EPRS1: variants seen among roughly 807,000 people sequenced by gnomAD.
EPRS1 encodes bifunctional glutamate/proline--tRNA ligase.
Under a neutral mutation model 188.3 loss-of-function variants are expected in EPRS1, and 107 were observed. The observed-to-expected ratio is 0.57, with a 90% CI of 0.49 to 0.67. The LOEUF (loss-of-function observed/expected upper bound fraction) is 0.67. Ranked by LOEUF, EPRS1 falls within the 30% of genes least tolerant of loss-of-function variation. The pLI is 0.00. For synonymous variants in EPRS1, 596 were observed against 593.1 expected, an observed-to-expected ratio of 1.00 and a Z score of -0.07; for missense variants, 1,577 against 1,802.2, an observed-to-expected ratio of 0.88 and a Z score of 2.26.
chr1:220,015,434 G>C (rs1036092720), intron 12 of EPRS1, among the ~76,000 whole-genome samples: 3 of 152,064 alleles, frequency 2.0e-5, no homozygotes, highest in African/African-American at 7.3e-5. Flanking sequence ...CTGCATTCCA[G>C]CCTGGGCGAC....
chr1:220,008,371 C>T (rs1394726960), intron 13 of EPRS1, among the ~76,000 whole-genome samples: 1 of 150,904 alleles, frequency 6.6e-6, no homozygotes, highest in Non-Finnish European at 1.5e-5. Context: ...ATAAAAAGAA[C>T]GCCATAATTT....
intron 2 of EPRS1, among the ~76,000 whole-genome samples, chr1:220,038,054 G>GC (rs1370520201): frequency 1.3e-5 from 2 of 151,270 alleles, no homozygotes; most frequent in Non-Finnish European, 2.9e-5. Context: ...GTATGTAGTG[G>GC]CAACAGGGGA....
chr1:219,994,934 G>A (rs986850619), intron 18 of EPRS1, among the ~76,000 whole-genome samples: 6 of 152,138 alleles, frequency 3.9e-5, no homozygotes, highest in Non-Finnish European at 7.4e-5. Context: ...TTACAGGCAT[G>A]AGCCACCGCA....
chr1:219,991,468 G>C (rs1266959332), intron 18 of EPRS1, among the ~76,000 whole-genome samples: 1 of 152,168 alleles, frequency 6.6e-6, no homozygotes, highest in Non-Finnish European at 1.5e-5. Flanking sequence ...ACTTGGTTGG[G>C]AGGGGGATGA....
chr1:220,009,248 T>C (rs1661554619), intron 13 of EPRS1, among the ~76,000 whole-genome samples: 1 of 152,146 alleles, frequency 6.6e-6, no homozygotes, highest in Admixed American at 6.5e-5. Flanking sequence ...ATGACATACA[T>C]GGGAAGACAA....
intron 12 of EPRS1, among the ~76,000 whole-genome samples, chr1:220,015,720 C>A (rs1661689180): frequency 6.6e-6 from 1 of 151,898 alleles, no homozygotes; most frequent in Non-Finnish European, 1.5e-5. Context: ...TTCATCCCAT[C>A]CTCCCCTTGT....
chr1:219,987,067 A>C (rs1309547740), intron 20 of EPRS1, 75 bp downstream of exon 20: 9 of 1,486,730 alleles, frequency 6.1e-6, no homozygotes, highest in African/African-American at 1.4e-5. Flanking sequence ...AACCAGTCAA[A>C]ATTTGTTTTA....
At chr1:219,996,074 G>C (rs1661226115) in intron 18 of EPRS1, among the ~76,000 whole-genome samples, 1 of 152,148 alleles carries the variant, frequency 6.6e-6, no homozygotes, top group Non-Finnish European at 1.5e-5. Flanking sequence ...CTATGCTGCT[G>C]TTTGAGGAGA....
At chr1:220,002,366 C>T (rs1661373501) in intron 16 of EPRS1, among the ~76,000 whole-genome samples, 1 of 151,688 alleles carries the variant, frequency 6.6e-6, no homozygotes, top group Non-Finnish European at 1.5e-5. Context: ...AATTGACAGT[C>T]CTTATTACAA....
intron 12 of EPRS1, among the ~76,000 whole-genome samples, chr1:220,017,079 G>A (rs1400013819): frequency 6.6e-6 from 1 of 152,044 alleles, no homozygotes; most frequent in Non-Finnish European, 1.5e-5. Context: ...CAGGCATGGT[G>A]GCACATGCCT....
intron 23 of EPRS1, chr1:219,982,485 A>T (rs1304371012): frequency 4.1e-6 from 1 of 244,104 alleles, no homozygotes; most frequent in East Asian, 8.4e-5. Context: ...CAACAATAAA[A>T]ATTATTCTAA....
intron 6 of EPRS1, among the ~76,000 whole-genome samples, chr1:220,027,774 C>T (rs969981571): frequency 1.6e-4 from 24 of 151,758 alleles, no homozygotes; most frequent in African/African-American, 4.1e-4. Flanking sequence ...CCTGAGGTCG[C>T]GAGTTCAAGA....
chr1:220,031,008 C>T (rs2102595444), intron 5 of EPRS1, among the ~76,000 whole-genome samples: 1 of 151,806 alleles, frequency 6.6e-6, no homozygotes, highest in East Asian at 1.9e-4. Context: ...AGGAGAATCG[C>T]TTGAACCTGG....
intron 1 of EPRS1, among the ~76,000 whole-genome samples, chr1:220,042,177 T>TC (rs1468659608): frequency 0.017 from 1,427 of 82,024 alleles, 26 homozygotes; most frequent in African/African-American, 0.065. Flanking sequence ...CAAGACTCCG[T>TC]CCCCAAAAAA....
intron 27 of EPRS1, 94 bp downstream of exon 27, chr1:219,979,324 G>T: frequency 1.1e-6 from 1 of 923,298 alleles, no homozygotes; most frequent in Non-Finnish European, 1.7e-6. Context: ...AAATCTGCCT[G>T]AATGATATTC....
chr1:219,997,255 C>T lies in EPRS1; in HGVS notation c.2269G>A (p.Val757Met). 1.2e-6 allele frequency: 2 copies of T among 1,614,002 alleles called. No homozygotes were observed. Among genetic ancestry groups the T allele is most frequent in the Non-Finnish European group, 1.7e-6 (2 of 1,179,950 alleles). ...CGAACCACATCTCCTTGAACAGCCACTCTATTGTAAAGGACCAAGGAATCC... is the reference window on the plus strand; with the variant it reads ...CGAACCACATCTCCTTGAACAGCCATTCTATTGTAAAGGACCAAGGAATCC... ...SEDSLVLYNRVAVQGDVVREL... is the reference protein window; with the variant it reads ...SEDSLVLYNRMAVQGDVVREL... Residue 757 changes from valine (V) to methionine (M), a missense_variant, in exon 18 of 32, where the codon GTG becomes ATG. Around this residue, in one of 3 missense-constraint regions of EPRS1, gnomAD observed 1,278 missense variants for 1,457.4 expected, o/e 0.88. Coordinates refer to ENST00000366923, the MANE Select transcript of EPRS1 (RefSeq NM_004446.3).
intron 6 of EPRS1, among the ~76,000 whole-genome samples, chr1:220,026,086 C>A (rs1335294179): frequency 6.6e-6 from 1 of 152,186 alleles, no homozygotes; most frequent in Non-Finnish European, 1.5e-5. Context: ...AGCCACCGCA[C>A]CCAGCCAAAA....
At chr1:220,014,851 T>A (rs1020052009) in intron 12 of EPRS1, among the ~76,000 whole-genome samples, 18 of 152,136 alleles carry the variant, frequency 1.2e-4, no homozygotes, top group African/African-American at 4.1e-4. Flanking sequence ...ATCTGAGAAA[T>A]ATCTTTAACG....
At chr1:219,986,479 C>T (rs1190689774) in intron 20 of EPRS1, among the ~76,000 whole-genome samples, 1 of 152,170 alleles carries the variant, frequency 6.6e-6, no homozygotes, top group East Asian at 1.9e-4. Context: ...TCCATACATG[C>T]TCCATTATAA....
Sources: allele counts gnomAD v4.1 joint callset (sites outside exome capture counted in the v4.1 genomes callset), GRCh38; gene constraint gnomAD v4.1.1; regional missense constraint gnomAD v4.1.1; transcripts MANE v1.5; gene names NCBI Gene and HGNC (gene_info 2026-07-23, HGNC 2026-07-21).